Variants in TBCEL observed in about 807,000 individuals in gnomAD.
TBCEL encodes the protein tubulin-specific chaperone cofactor E-like protein.
A neutral mutation model predicts 44.2 loss-of-function variants in TBCEL; 15 were observed. The ratio of observed to expected loss-of-function variants is 0.34; its 90% confidence interval spans 0.23 to 0.52. TBCEL has a LOEUF of 0.52. TBCEL is among the 20% of genes least tolerant of loss of function. The pLI is 0.95. For missense variants in TBCEL, 319 were observed against 506.3 expected (o/e 0.63, Z 3.55); for synonymous variants, 171 against 185.4 (o/e 0.92, Z 0.63).
rs149521517 is a variant in TBCEL at position 121,082,998 on chromosome 11, C to CT, written c.957-3779dup. Among the ~76,000 whole-genome samples, 790 of 152,312 alleles carry CT rather than the reference C, an allele frequency of 5.2e-3. 5 individuals are homozygous for CT. The highest frequency in any genetic ancestry group is 0.017 in the African/African-American group (726 of 41,578). ...CCTCTACCCAAACTGTTTCCACACT[C>CT]TATCTACTAGATCTACTGCCTCTCT... On this transcript the variant is annotated intron_variant, in intron 8 of 8. Coordinates refer to ENST00000683345, the MANE Select transcript of TBCEL (RefSeq NM_001363644.2).
At chr11:121,077,842 G>T (rs1001776040) in intron 8 of TBCEL, among the ~76,000 whole-genome samples, 1 of 152,000 alleles carries the variant, frequency 6.6e-6, no homozygotes, top group African/African-American at 2.4e-5. Context: ...AATTTATCTT[G>T]TGACTTCCTC....
chr11:121,061,575 A>G lies in TBCEL; in HGVS notation c.956+1490A>G, dbSNP rs373509824. On this transcript the variant is annotated intron_variant, in intron 8 of 8. Coordinates refer to ENST00000683345, the MANE Select transcript of TBCEL (RefSeq NM_001363644.2). ...ACACCTAGGCTATATGGTACAGCCTATTACTCCTAGGCTATAAACCTGTAC... is the reference window on the plus strand; with the variant it reads ...ACACCTAGGCTATATGGTACAGCCTGTTACTCCTAGGCTATAAACCTGTAC... Among the ~76,000 whole-genome samples the G allele has an allele frequency of 2.3e-3, 349 of 152,184 alleles. 2 individuals are homozygous for G. Among genetic ancestry groups the G allele is most frequent in the African/African-American group, 7.8e-3 (324 of 41,554 alleles).
chr11:121,029,333 C>T (rs929210882), intron 1 of TBCEL, among the ~76,000 whole-genome samples: 2 of 152,178 alleles, frequency 1.3e-5, no homozygotes, highest in Non-Finnish European at 2.9e-5. Flanking sequence ...TGACTCATAT[C>T]AGCTCCTCCA....
intron 2 of TBCEL, among the ~76,000 whole-genome samples, chr11:121,041,295 G>T (rs915834648): frequency 1.3e-5 from 2 of 152,178 alleles, no homozygotes; most frequent in Non-Finnish European, 2.9e-5. Context: ...GTACTAAGGT[G>T]ACTGGATGTT....
At chr11:121,045,298 C>G (rs1945409341) in intron 2 of TBCEL, among the ~76,000 whole-genome samples, 1 of 152,128 alleles carries the variant, frequency 6.6e-6, no homozygotes, top group South Asian at 2.1e-4. Context: ...TTCATCCAAA[C>G]TGTTTAGCCT....
chr11:121,036,595 G>T lies in TBCEL; in HGVS notation c.-35G>T, dbSNP rs1457918125. Reference sequence around the variant, plus strand: ...ATGGAAATGAAGAAAGAAGTGTTTAGAAATATCACACAAACAGGTACTTCA... The same window carrying T: ...ATGGAAATGAAGAAAGAAGTGTTTATAAATATCACACAAACAGGTACTTCA... On this transcript the variant is annotated 5_prime_UTR_variant, in exon 2 of 9. Coordinates refer to ENST00000683345, the MANE Select transcript of TBCEL (RefSeq NM_001363644.2). 1 of 152,152 alleles carries T rather than the reference G, an allele frequency of 6.6e-6. No homozygotes were observed. The highest frequency in any genetic ancestry group is 1.5e-5 in the Non-Finnish European group (1 of 68,040). 9.4% of individuals were successfully genotyped at this position (152,152 alleles called of 1,614,324 possible). A position where few individuals can be genotyped will look rare whatever the true frequency, so the allele number is the denominator to read the frequency against.
intron 8 of TBCEL, among the ~76,000 whole-genome samples, chr11:121,075,060 G>A (rs546139835): frequency 6.6e-6 from 1 of 152,000 alleles, no homozygotes; most frequent in African/African-American, 2.4e-5. Context: ...TGTGAGAACT[G>A]TAACATACAC....
intron 2 of TBCEL, among the ~76,000 whole-genome samples, chr11:121,040,537 T>TTGTTTCTGCTTGC (rs1470887299): frequency 2.0e-5 from 3 of 152,222 alleles, no homozygotes; most frequent in African/African-American, 7.2e-5. Flanking sequence ...TGGATATGCT[T>TTGTTTCTGCTTGC]TGTTTCTGCT....
chr11:121,053,479 C>T, intron 4 of TBCEL, 72 bp from the exon 5 acceptor site: 1 of 1,454,912 alleles, frequency 6.9e-7, no homozygotes, highest in Non-Finnish European at 9.5e-7. Flanking sequence ...CTCCTCTAGG[C>T]TTTCTTGAGC....
At chr11:121,038,125 A>C (rs1056201402) in intron 2 of TBCEL, among the ~76,000 whole-genome samples, 5 of 151,874 alleles carry the variant, frequency 3.3e-5, no homozygotes, top group Non-Finnish European at 5.9e-5. Context: ...ATACCCGGCT[A>C]ATTTTTGTAG....
Position 121,061,511 on chromosome 11 carries a change from G to A in TBCEL, c.956+1426G>A, listed in dbSNP as rs540485575. On this transcript the variant is annotated intron_variant, in intron 8 of 8. Transcript: ENST00000683345. ...GTGATTTTATGTTGCAAACATCATA[G>A]AGTATACTTACACAAACCTAGGTGG... 2.6e-5 allele frequency among the ~76,000 whole-genome samples: 4 copies of A among 152,028 alleles called. 1 individual carries two copies. The highest frequency in any genetic ancestry group is 2.6e-4 in the Admixed American group (4 of 15,248).
intron 4 of TBCEL, among the ~76,000 whole-genome samples, chr11:121,050,165 G>A (rs978326797): frequency 2.6e-5 from 4 of 151,610 alleles, no homozygotes; most frequent in African/African-American, 9.7e-5. Flanking sequence ...TTGATTTTTA[G>A]GATTGATTAA....
intron 2 of TBCEL, among the ~76,000 whole-genome samples, chr11:121,040,277 A>G (rs1455698701): frequency 6.6e-6 from 1 of 152,160 alleles, no homozygotes; most frequent in Non-Finnish European, 1.5e-5. Flanking sequence ...ATTTGGGTCA[A>G]ATTTGGGTAA....
intron 2 of TBCEL, among the ~76,000 whole-genome samples, chr11:121,038,661 G>T (rs960147690): frequency 1.3e-5 from 2 of 152,066 alleles, no homozygotes; most frequent in East Asian, 3.8e-4. Context: ...ATAGCTGGGA[G>T]ATTTTCCTCC....
chr11:121,072,334 C>T (rs1366537812), intron 8 of TBCEL, among the ~76,000 whole-genome samples: 2 of 152,020 alleles, frequency 1.3e-5, no homozygotes, highest in African/African-American at 4.8e-5. Flanking sequence ...TTATCTTTTT[C>T]GTTTTTGTTT....
rs530983141 is a variant in TBCEL, at chr11:121,074,329, A to ATAGT, written c.957-12447_957-12444dup. ...CAGCCACTGATACTATTTTCTTGTT[A>ATAGT]TAGTTTCCATCGCTATTTTGTGCGT... On this transcript the variant is annotated intron_variant, in intron 8 of 8. Transcript: ENST00000683345. Among the ~76,000 whole-genome samples, 18 of 152,092 alleles carry ATAGT rather than the reference A, an allele frequency of 1.2e-4. No homozygotes were observed. The East Asian group carries it at 1.3e-3, about 11-fold the overall frequency.
At chr11:121,044,750 G>A (rs939093945) in intron 2 of TBCEL, among the ~76,000 whole-genome samples, 1 of 152,118 alleles carries the variant, frequency 6.6e-6, no homozygotes, top group South Asian at 2.1e-4. Flanking sequence ...AGTACTCATC[G>A]TCTCAGATGC....
intron 1 of TBCEL, among the ~76,000 whole-genome samples, chr11:121,027,417 A>G (rs1162949191): frequency 1.3e-5 from 2 of 152,152 alleles, no homozygotes; most frequent in Non-Finnish European, 2.9e-5. Flanking sequence ...GGATATTGCT[A>G]TGATTATTTC....
rs1427864585 is a variant in TBCEL, at chr11:121,089,054, G to A, written c.*1958G>A. 1 of 152,184 alleles carries A rather than the reference G, an allele frequency of 6.6e-6. No individual in the cohort carries two copies. Among genetic ancestry groups the A allele is most frequent in the Non-Finnish European group, 1.5e-5 (1 of 68,026 alleles). 9.4% of individuals were successfully genotyped at this position (152,184 alleles called of 1,614,324 possible). A position where few individuals can be genotyped will look rare whatever the true frequency, so the allele number is the denominator to read the frequency against. Reference sequence around the variant, plus strand: ...TGTCATGAAGATTGAAACTGTAGGTGCTTTGTGTATGTATGCATGAGTGCA... The same window carrying A: ...TGTCATGAAGATTGAAACTGTAGGTACTTTGTGTATGTATGCATGAGTGCA... On this transcript the variant is annotated 3_prime_UTR_variant, in exon 9 of 9. Transcript: ENST00000683345.
Sources: gnomAD v4.1 joint callset for allele counts (sites outside exome capture counted in the v4.1 genomes callset) on GRCh38, gnomAD v4.1.1 for gene constraint, MANE v1.5 for transcripts, NCBI Gene and HGNC (gene_info 2026-07-23, HGNC 2026-07-21) for gene names.